The following SLIT3 variants were observed in gnomAD, a reference collection of about 807,000 sequenced individuals.
SLIT3 encodes the protein slit guidance ligand 3.
A neutral mutation model predicts 184.0 loss-of-function variants in SLIT3; 68 were observed. That is an observed-to-expected ratio of 0.37 (90% CI 0.30 to 0.45). The LOEUF is 0.45. Among genes scored for constraint, SLIT3 ranks in the 20% least tolerant of loss-of-function variants. SLIT3 has a pLI of 1.00. For missense variants in SLIT3, 1,707 were observed against 2,026.0 expected (o/e 0.84, Z 3.02); for synonymous variants, 831 against 828.6 (o/e 1.00, Z -0.05).
chr5:168,883,430 G>T, intron 4 of SLIT3, 94 bp from the exon 5 acceptor site: 1 of 957,828 alleles, frequency 1.0e-6, no homozygotes, highest in Non-Finnish European at 1.6e-6. Flanking sequence ...CACCCAGGCT[G>T]CTGCCTCTGC....
chr5:168,902,919 G>C (rs1018316173), intron 4 of SLIT3, among the ~76,000 whole-genome samples: 7 of 152,014 alleles, frequency 4.6e-5, no homozygotes, highest in Admixed American at 2.6e-4. Context: ...TGGGAATAGC[G>C]GCTGATTAGG....
At chr5:169,151,256 TTGC>T (rs1298987893) in intron 4 of SLIT3, among the ~76,000 whole-genome samples, 2 of 152,148 alleles carry the variant, frequency 1.3e-5, no homozygotes, top group African/African-American at 4.8e-5. Flanking sequence ...AATGCATCAT[TTGC>T]AGCCCATTGC....
At chr5:168,826,433 C>T (rs1441813648) in intron 6 of SLIT3, among the ~76,000 whole-genome samples, 1 of 152,192 alleles carries the variant, frequency 6.6e-6, no homozygotes, top group Non-Finnish European at 1.5e-5. Context: ...CAGAGTACTG[C>T]ATTCTATTTG....
chr5:168,962,162 A>C (rs1208850181), intron 4 of SLIT3, among the ~76,000 whole-genome samples: 1 of 152,098 alleles, frequency 6.6e-6, no homozygotes, highest in Non-Finnish European at 1.5e-5. Flanking sequence ...AGTGGGCTTC[A>C]ATGTCCCACA....
chr5:168,945,833 G>C (rs577845570), intron 4 of SLIT3, among the ~76,000 whole-genome samples: 2 of 152,174 alleles, frequency 1.3e-5, no homozygotes, highest in Non-Finnish European at 2.9e-5. Flanking sequence ...AAAGAAAGAG[G>C]GCAGTGGTTC....
At chr5:169,123,098 TA>T (rs200304969) in intron 4 of SLIT3, among the ~76,000 whole-genome samples, 22 of 148,496 alleles carry the variant, frequency 1.5e-4, no homozygotes, top group South Asian at 4.3e-4. Flanking sequence ...ATGCATGGAT[TA>T]AAAAAAAAAC....
At chr5:169,049,264 C>T (rs1389455111) in intron 4 of SLIT3, among the ~76,000 whole-genome samples, 1 of 151,962 alleles carries the variant, frequency 6.6e-6, no homozygotes, top group Non-Finnish European at 1.5e-5. Flanking sequence ...TATGCTACAT[C>T]TAATGTGTGA....
At chr5:169,226,861 A>T (rs74503414) in intron 3 of SLIT3, among the ~76,000 whole-genome samples, 1 of 152,142 alleles carries the variant, frequency 6.6e-6, no homozygotes, top group South Asian at 2.1e-4. Flanking sequence ...ACGTTTTACA[A>T]TGTGGGACAC....
At chr5:168,833,749 CCTG>C (rs1169339197) in intron 6 of SLIT3, among the ~76,000 whole-genome samples, 1 of 152,198 alleles carries the variant, frequency 6.6e-6, no homozygotes, top group African/African-American at 2.4e-5. Context: ...AGCCAAAAGA[CCTG>C]CTTTCTGGCC....
chr5:169,257,136 C>T (rs1000776988), intron 1 of SLIT3, among the ~76,000 whole-genome samples: 2 of 152,140 alleles, frequency 1.3e-5, no homozygotes, highest in African/African-American at 4.8e-5. Flanking sequence ...CATGTATGTG[C>T]AACCATGTGA....
At chr5:169,203,774 A>T (rs6862398) in intron 3 of SLIT3, among the ~76,000 whole-genome samples, 36,333 of 151,990 alleles carry the variant, frequency 0.24, 5,259 homozygotes, top group Non-Finnish European at 0.34. Flanking sequence ...GGCAAGAGAG[A>T]AAAGGGGAGT....
intron 5 of SLIT3, among the ~76,000 whole-genome samples, chr5:168,871,245 T>C (rs1356094075): frequency 6.6e-6 from 1 of 152,236 alleles, no homozygotes; most frequent in East Asian, 1.9e-4. Context: ...TTGGATCCCC[T>C]CAAATAATCC....
At chr5:169,165,714 C>G (rs925628204) in intron 4 of SLIT3, among the ~76,000 whole-genome samples, 1 of 151,562 alleles carries the variant, frequency 6.6e-6, no homozygotes, top group East Asian at 2.0e-4. Flanking sequence ...TTCACTCCAC[C>G]CTTCCACCCC....
rs1757070352 is a variant in SLIT3 at position 169,032,595 on chromosome 5, TTTCG to T, written c.414-149263_414-149260del. ...ATATAGATTCCCCTCCATGTTTTAG[TTTCG>T]TTTTTTTTTTTTTCAGTGTAAAGAA... On this transcript the variant is annotated intron_variant, in intron 4 of 35. Coordinates refer to ENST00000519560, the MANE Select transcript of SLIT3 (RefSeq NM_003062.4). Among the ~76,000 whole-genome samples, 3 of 141,074 alleles carry T rather than the reference TTTCG, an allele frequency of 2.1e-5. 1 individual carries two copies. The highest frequency in any genetic ancestry group is 5.7e-5 in the African/African-American group (2 of 35,372). 92.6% of individuals were successfully genotyped at this position (141,074 alleles called of 152,430 possible). A position where few individuals can be genotyped will look rare whatever the true frequency, so the allele number is the denominator to read the frequency against.
intron 5 of SLIT3, among the ~76,000 whole-genome samples, chr5:168,855,594 T>C (rs186363778): frequency 1.7e-4 from 26 of 152,276 alleles, no homozygotes; most frequent in Non-Finnish European, 2.9e-5. Context: ...CTTGAAAACA[T>C]TACGCTAAGT....
chr5:168,711,727 CT>C (rs1561887554), intron 24 of SLIT3, among the ~76,000 whole-genome samples: 1 of 152,166 alleles, frequency 6.6e-6, no homozygotes. Context: ...GAAGAGAGGT[CT>C]GGCCTGGGAG....
intron 20 of SLIT3, among the ~76,000 whole-genome samples, chr5:168,726,776 C>A (rs1212115797): frequency 6.6e-6 from 1 of 150,626 alleles, no homozygotes; most frequent in Admixed American, 6.6e-5. Context: ...AGTTTGAGAC[C>A]AGCCTGGCCA....
chr5:169,048,002 A>G (rs752319187), intron 4 of SLIT3, among the ~76,000 whole-genome samples: 3 of 152,108 alleles, frequency 2.0e-5, no homozygotes, highest in Non-Finnish European at 4.4e-5. Flanking sequence ...GAGGGGGAAA[A>G]AAAGAGAAAA....
At position 168,812,003 on chromosome 5, in the gene SLIT3, T is replaced by A. The variant is rs558862301; in HGVS notation, c.793+5297A>T. 5.3e-5 allele frequency among the ~76,000 whole-genome samples: 8 copies of A among 152,362 alleles called. No homozygotes were observed. In the South Asian group the frequency reaches 6.2e-4, roughly 12 times the overall value. On this transcript the variant is annotated intron_variant, in intron 8 of 35. Transcript: ENST00000519560. ...GAATGGATACAGACAATGTGCTGTA[T>A]ATACACAGTGGAATACTATTCAGCC... is the stretch of plus-strand genomic sequence containing the variant.
Sources: allele counts gnomAD v4.1 joint callset (sites outside exome capture counted in the v4.1 genomes callset), GRCh38; gene constraint gnomAD v4.1.1; transcripts MANE v1.5; gene names NCBI Gene and HGNC (gene_info 2026-07-23, HGNC 2026-07-21).